MACROD2: variants seen among roughly 807,000 people sequenced by gnomAD.
The protein encoded by MACROD2 is ADP-ribose glycohydrolase MACROD2.
A neutral mutation model predicts 70.4 loss-of-function variants in MACROD2; 36 were observed. The observed-to-expected ratio is 0.51, with a 90% CI of 0.39 to 0.68. The LOEUF is 0.68. Among genes scored for constraint, MACROD2 ranks in the 30% least tolerant of loss-of-function variants. MACROD2 has a pLI of 0.00. For synonymous variants in MACROD2, 172 were observed against 178.8 expected (o/e 0.96, Z 0.30); for missense variants, 496 against 538.4 (o/e 0.92, Z 0.78).
chr20:14,131,963 C>G (rs889049866), intron 3 of MACROD2, among the ~76,000 whole-genome samples: 7 of 151,832 alleles, frequency 4.6e-5, no homozygotes, highest in African/African-American at 1.7e-4. Flanking sequence ...AACCCCGTCT[C>G]TACTAAAAAT....
intron 4 of MACROD2, among the ~76,000 whole-genome samples, chr20:14,576,595 C>G (rs944326994): frequency 6.6e-6 from 1 of 152,146 alleles, no homozygotes; most frequent in Non-Finnish European, 1.5e-5. Context: ...AGCTAAACGA[C>G]TTTGCCTTAT....
chr20:14,979,338 CATAAA>C (rs2074776145), intron 5 of MACROD2, among the ~76,000 whole-genome samples: 1 of 152,018 alleles, frequency 6.6e-6, no homozygotes, highest in South Asian at 2.1e-4. Flanking sequence ...CATGGCTTGA[CATAAA>C]ATAAATGTGC....
At chr20:15,791,389 A>T (rs1425797285) in intron 8 of MACROD2, among the ~76,000 whole-genome samples, 1 of 151,930 alleles carries the variant, frequency 6.6e-6, no homozygotes, top group Non-Finnish European at 1.5e-5. Flanking sequence ...AATCTGTATA[A>T]AAAAAACCAT....
intron 9 of MACROD2, among the ~76,000 whole-genome samples, chr20:15,875,670 T>C (rs1034031366): frequency 3.3e-5 from 5 of 150,564 alleles, no homozygotes; most frequent in Non-Finnish European, 5.9e-5. Flanking sequence ...CGGAGGGGAG[T>C]GTGCAGTGAG....
chr20:14,603,902 A>T (rs1398717983), intron 4 of MACROD2, among the ~76,000 whole-genome samples: 1 of 152,106 alleles, frequency 6.6e-6, no homozygotes, highest in African/African-American at 2.4e-5. Flanking sequence ...TCTTTAGTTC[A>T]GTAAGATCTA....
chr20:15,185,523 C>A (rs1349658168), intron 5 of MACROD2, among the ~76,000 whole-genome samples: 2 of 152,074 alleles, frequency 1.3e-5, no homozygotes, highest in Admixed American at 6.6e-5. Flanking sequence ...GCAATTATGT[C>A]ATATTTTTGG....
Position 14,784,650 on chromosome 20 carries a change from A to G in MACROD2, c.418+99691A>G, listed in dbSNP as rs2072342217. On this transcript the variant is annotated intron_variant, in intron 5 of 17. Transcript: ENST00000684519. ...TAATTTAAATCCAAATTAGGTCAGAAAAGGATGGTGTTTTAAGTGGGGGGG... is the reference window on the plus strand; with the variant it reads ...TAATTTAAATCCAAATTAGGTCAGAGAAGGATGGTGTTTTAAGTGGGGGGG... Among the ~76,000 whole-genome samples the G allele has an allele frequency of 2.7e-5, 3 of 109,370 alleles. No individual in the cohort carries two copies. In the South Asian group the frequency reaches 1.2e-3, roughly 43 times the overall value. 71.8% of individuals were successfully genotyped at this position (109,370 alleles called of 152,430 possible).
chr20:15,621,546 A>G (rs896115358), intron 8 of MACROD2, among the ~76,000 whole-genome samples: 1 of 152,226 alleles, frequency 6.6e-6, no homozygotes, highest in Non-Finnish European at 1.5e-5. Flanking sequence ...GTACACAATT[A>G]ATTTCTCTCC....
chr20:14,957,870 A>G (rs545394665), intron 5 of MACROD2, among the ~76,000 whole-genome samples: 1 of 151,748 alleles, frequency 6.6e-6, no homozygotes, highest in Admixed American at 6.6e-5. Context: ...TATGCATCTA[A>G]TATCAATCAT....
chr20:14,315,197 C>T (rs1165505214), intron 3 of MACROD2, among the ~76,000 whole-genome samples: 1 of 152,150 alleles, frequency 6.6e-6, no homozygotes, highest in Non-Finnish European at 1.5e-5. Context: ...ACCACTTATA[C>T]TGTGTTATAT....
rs1474114910 is a variant in MACROD2, at chr20:14,938,965, T to A, written c.418+254006T>A. Among the ~76,000 whole-genome samples, 5 of 148,364 alleles carry A rather than the reference T, an allele frequency of 3.4e-5. No individual in the cohort carries two copies. The East Asian group carries it at 9.9e-4, about 29-fold the overall frequency. The stretch of plus-strand genomic sequence containing the variant: ...ATTTTTTTTTTTTTTTTTTTTTTAC[T>A]ATTGAGTTGTTTGAGCTTCTTACAT... On this transcript the variant is annotated intron_variant, in intron 5 of 17. Transcript: ENST00000684519.
chr20:15,207,439 T>TTG (rs2076720125), intron 5 of MACROD2, among the ~76,000 whole-genome samples: 1 of 131,234 alleles, frequency 7.6e-6, no homozygotes, highest in African/African-American at 2.8e-5. Context: ...GTTTCTGGTT[T>TTG]TTTTTTTTTT....
At chr20:14,740,680 C>T (rs1186659048) in intron 5 of MACROD2, among the ~76,000 whole-genome samples, 2 of 151,974 alleles carry the variant, frequency 1.3e-5, no homozygotes, top group African/African-American at 4.8e-5. Flanking sequence ...TCTTTATATG[C>T]ATAGTTTATT....
At chr20:14,588,744 G>C (rs1338544992) in intron 4 of MACROD2, among the ~76,000 whole-genome samples, 1 of 152,114 alleles carries the variant, frequency 6.6e-6, no homozygotes, top group African/African-American at 2.4e-5. Flanking sequence ...TTACAGGTGT[G>C]AGCCACCACT....
chr20:14,753,256 AT>A (rs2071898194), intron 5 of MACROD2, among the ~76,000 whole-genome samples: 1 of 151,964 alleles, frequency 6.6e-6, no homozygotes, highest in South Asian at 2.1e-4. Flanking sequence ...ATGAGTTTGC[AT>A]TTTTTAATGA....
chr20:14,295,963 A>T (rs1179659121), intron 3 of MACROD2, among the ~76,000 whole-genome samples: 2 of 151,892 alleles, frequency 1.3e-5, no homozygotes, highest in Non-Finnish European at 2.9e-5. Flanking sequence ...TCAATTACTC[A>T]GGCTGATTCT....
At chr20:15,265,448 A>G (rs1447834963) in intron 6 of MACROD2, among the ~76,000 whole-genome samples, 1 of 152,136 alleles carries the variant, frequency 6.6e-6, no homozygotes, top group African/African-American at 2.4e-5. Flanking sequence ...ATGCTACTCT[A>G]CCTAACCAAT....
chr20:15,106,378 C>T (rs149322416), intron 5 of MACROD2, among the ~76,000 whole-genome samples: 9 of 152,100 alleles, frequency 5.9e-5, no homozygotes, highest in South Asian at 2.1e-4. Flanking sequence ...ATTAGTTTCT[C>T]GGTAAGCTTT....
At chr20:14,669,312 G>A (rs1330351695) in intron 4 of MACROD2, among the ~76,000 whole-genome samples, 5 of 152,122 alleles carry the variant, frequency 3.3e-5, no homozygotes, top group African/African-American at 4.8e-5. Flanking sequence ...TTTTGTATGC[G>A]TCAAGATTTT....
Sources: gnomAD v4.1 joint callset for allele counts (sites outside exome capture counted in the v4.1 genomes callset) on GRCh38, gnomAD v4.1.1 for gene constraint, MANE v1.5 for transcripts, NCBI Gene and HGNC (gene_info 2026-07-23, HGNC 2026-07-21) for gene names.